Variants in KCNMA1 observed in about 807,000 individuals in gnomAD.
KCNMA1 encodes potassium calcium-activated channel subfamily M alpha 1, also known as Calcium-activated potassium channel subunit alpha-1.
A neutral mutation model predicts 140.0 loss-of-function variants in KCNMA1; 29 were observed. The observed-to-expected ratio is 0.21, with a 90% CI of 0.15 to 0.28. The LOEUF (loss-of-function observed/expected upper bound fraction) is 0.28, where lower values mean the gene tolerates loss of function less well. KCNMA1 is among the 10% of genes least tolerant of loss of function. The probability of loss-of-function intolerance (pLI) is 1.00; values close to 1 mark genes in which losing one functional copy is unlikely to be tolerated. For synonymous variants in KCNMA1, 612 were observed against 611.9 expected (o/e 1.00, Z 0.00); for missense variants, 880 against 1,602.2 (o/e 0.55, Z 7.70).
chr10:77,147,342 T>C (rs1211828209), intron 5 of KCNMA1, among the ~76,000 whole-genome samples: 1 of 152,236 alleles, frequency 6.6e-6, no homozygotes, highest in Non-Finnish European at 1.5e-5. Context: ...GGGAAAAAGA[T>C]GCTTTGCTTG....
At chr10:76,929,066 TA>T (rs1230865026) in intron 23 of KCNMA1, among the ~76,000 whole-genome samples, 1 of 151,936 alleles carries the variant, frequency 6.6e-6, no homozygotes, top group Non-Finnish European at 1.5e-5. Flanking sequence ...GAGTTTTTTT[TA>T]AAAAAGTTTC....
At chr10:77,043,833 T>C (rs1366380668) in intron 14 of KCNMA1, among the ~76,000 whole-genome samples, 1 of 152,004 alleles carries the variant, frequency 6.6e-6, no homozygotes, top group Non-Finnish European at 1.5e-5. Context: ...CTGCCAGGGG[T>C]TGCAGGGAGA....
Position 77,079,667 on chromosome 10 carries a change from C to T in KCNMA1, c.1524-117G>A. 4.0e-6 allele frequency: 3 copies of T among 756,130 alleles called. 1 individual carries two copies. In the South Asian group the frequency reaches 4.3e-5, roughly 11 times the overall value. The allele number at this position is 756,130 out of a possible 1,614,324, so 46.8% of individuals were successfully genotyped here. A position where few individuals can be genotyped will look rare whatever the true frequency, so the allele number is the denominator to read the frequency against. On this transcript the variant is annotated intron_variant, in intron 12 of 27. Transcript: ENST00000286628. ...CATGGGACTGAGGTAGGAGGCAGGACTTGATTCCAGAGGCAGGGCTCAGAT... is the reference window on the plus strand; with the variant it reads ...CATGGGACTGAGGTAGGAGGCAGGATTTGATTCCAGAGGCAGGGCTCAGAT...
intron 14 of KCNMA1, among the ~76,000 whole-genome samples, chr10:77,062,935 A>G (rs1337390357): frequency 6.6e-6 from 1 of 152,210 alleles, no homozygotes; most frequent in Non-Finnish European, 1.5e-5. Flanking sequence ...CCATTCCCCA[A>G]CCAGCCATGC....
chr10:77,585,961 G>A (rs376863431), intron 1 of KCNMA1, among the ~76,000 whole-genome samples: 1 of 152,206 alleles, frequency 6.6e-6, no homozygotes, highest in Non-Finnish European at 1.5e-5. Flanking sequence ...CCATGAGCCA[G>A]AATGGCTTTC....
intron 5 of KCNMA1, among the ~76,000 whole-genome samples, chr10:77,130,618 C>A (rs1193708837): frequency 6.6e-6 from 1 of 152,008 alleles, no homozygotes; most frequent in East Asian, 1.9e-4. Flanking sequence ...GCAGATGGAT[C>A]ACAATGGTTT....
At chr10:77,087,988 T>A (rs2096731555) in intron 10 of KCNMA1, among the ~76,000 whole-genome samples, 1 of 152,086 alleles carries the variant, frequency 6.6e-6, no homozygotes, top group African/African-American at 2.4e-5. Context: ...TTTATTTTAC[T>A]TAGAGTTTAT....
intron 3 of KCNMA1, among the ~76,000 whole-genome samples, chr10:77,235,916 C>T (rs1029815574): frequency 6.6e-6 from 1 of 152,178 alleles, no homozygotes; most frequent in African/African-American, 2.4e-5. Context: ...GAGTGTCATG[C>T]CTGATAAAAG....
chr10:77,294,228 C>T (rs1452456986), intron 2 of KCNMA1, among the ~76,000 whole-genome samples: 2 of 152,240 alleles, frequency 1.3e-5, no homozygotes, highest in African/African-American at 4.8e-5. Context: ...CTGGCTTCAA[C>T]TCTGGGCCCA....
Position 77,472,098 on chromosome 10 carries a change from CATAA to C in KCNMA1, c.379-68079_379-68076del, listed in dbSNP as rs201185661. On this transcript the variant is annotated intron_variant, in intron 1 of 27. Coordinates refer to ENST00000286628, the MANE Select transcript of KCNMA1 (RefSeq NM_001161352.2). Reference sequence around the variant, plus strand: ...ATACACATACCACACACACACACCACATAAATACCCACACACCACGCATTCTGCA... The same window carrying C: ...ATACACATACCACACACACACACCACATACCCACACACCACGCATTCTGCA... 3.4e-3 allele frequency among the ~76,000 whole-genome samples: 512 copies of C among 150,692 alleles called. 8 individuals are homozygous for C. In the East Asian group the frequency reaches 0.051, roughly 15 times the overall value.
At chr10:77,212,466 C>A (rs1047353296) in intron 3 of KCNMA1, among the ~76,000 whole-genome samples, 1 of 151,948 alleles carries the variant, frequency 6.6e-6, no homozygotes, top group African/African-American at 2.4e-5. Flanking sequence ...GGGAAAGGAC[C>A]GTGGGTTGAA....
intron 3 of KCNMA1, among the ~76,000 whole-genome samples, chr10:77,240,650 A>G (rs2057035101): frequency 6.6e-6 from 1 of 152,218 alleles, no homozygotes; most frequent in Non-Finnish European, 1.5e-5. Context: ...GAGATTCAAC[A>G]TAAAATGCAG....
At chr10:77,480,955 CA>C (rs11288201) in intron 1 of KCNMA1, among the ~76,000 whole-genome samples, 43,318 of 122,804 alleles carry the variant, frequency 0.35, 6,610 homozygotes, top group African/African-American at 0.42. Flanking sequence ...ACTAAAAATA[CA>C]AAAAAAAAAA....
intron 1 of KCNMA1, among the ~76,000 whole-genome samples, chr10:77,563,298 C>G (rs2067016016): frequency 6.6e-6 from 1 of 152,082 alleles, no homozygotes; most frequent in African/African-American, 2.4e-5. Context: ...ACACATTGTC[C>G]CCAGTACCTC....
chr10:77,592,428 A>G (rs2079490575), intron 1 of KCNMA1, among the ~76,000 whole-genome samples: 1 of 152,244 alleles, frequency 6.6e-6, no homozygotes, highest in Non-Finnish European at 1.5e-5. Context: ...TTTTAGACCA[A>G]CATGAAACTT....
chr10:77,122,053 C>G (rs1486591732), intron 5 of KCNMA1, among the ~76,000 whole-genome samples: 2 of 152,242 alleles, frequency 1.3e-5, no homozygotes, highest in African/African-American at 4.8e-5. Context: ...AGTTGACAGA[C>G]AACTCCACGC....
chr10:77,134,885 C>G (rs1427375192), intron 5 of KCNMA1, among the ~76,000 whole-genome samples: 1 of 150,218 alleles, frequency 6.7e-6, no homozygotes, highest in Non-Finnish European at 1.5e-5. Flanking sequence ...GTAGTCCCAG[C>G]TACTCGGCAG....
chr10:77,008,158 G>T, intron 18 of KCNMA1: 2 of 1,533,176 alleles, frequency 1.3e-6, no homozygotes, highest in South Asian at 1.2e-5. Context: ...ACTGGACTCC[G>T]GGCTGCTGGG....
rs187329851 is a variant in KCNMA1, at chr10:77,389,635, G to T, written c.540+14227C>A. ...CCTTAGAGGCTTCCAACTGAGGAAG[G>T]TTCCAAAAGAGAGCTCCATGGCTGA... On this transcript the variant is annotated intron_variant, in intron 2 of 27. Coordinates refer to ENST00000286628, the MANE Select transcript of KCNMA1 (RefSeq NM_001161352.2). Among the ~76,000 whole-genome samples the T allele has an allele frequency of 2.0e-4, 31 of 152,242 alleles. No homozygotes were observed. In the East Asian group the frequency reaches 5.0e-3, roughly 25 times the overall value.
Sources: gnomAD v4.1 joint callset for allele counts (sites outside exome capture counted in the v4.1 genomes callset) on GRCh38, gnomAD v4.1.1 for gene constraint, MANE v1.5 for transcripts, NCBI Gene and HGNC (gene_info 2026-07-23, HGNC 2026-07-21) for gene names.